Variants in LYST observed in about 807,000 individuals in gnomAD.
The protein encoded by LYST is lysosomal-trafficking regulator.
Under a neutral mutation model 413.6 loss-of-function variants are expected in LYST, and 192 were observed. The ratio of observed to expected loss-of-function variants is 0.46; its 90% confidence interval spans 0.41 to 0.52. The LOEUF is 0.52. LYST is among the 20% of genes least tolerant of loss of function. The pLI is 0.00. For missense variants in LYST, 3,815 were observed against 4,499.9 expected (o/e 0.85, Z 4.35); for synonymous variants, 1,525 against 1,567.3 (o/e 0.97, Z 0.64).
intron 18 of LYST, 124 bp downstream of exon 18, chr1:235,774,789 C>T (rs1157673540): frequency 9.1e-6 from 6 of 660,788 alleles, no homozygotes; most frequent in Middle Eastern, 4.0e-4. Flanking sequence ...TAACTATACA[C>T]TAATAAGTTT....
At chr1:235,666,225 TACACACACACACACAC>T (rs66890524) in intron 50 of LYST, among the ~76,000 whole-genome samples, 140 of 136,010 alleles carry the variant, frequency 1.0e-3, no homozygotes, top group African/African-American at 3.5e-3. Flanking sequence ...AGTATGTACA[TACACACACACACACAC>T]ACACACACAC....
intron 40 of LYST, among the ~76,000 whole-genome samples, chr1:235,720,276 T>C (rs550051760): frequency 7.1e-6 from 1 of 141,184 alleles, no homozygotes; most frequent in Admixed American, 7.2e-5. Context: ...CAACCAACTA[T>C]AAAAAGCTAT....
chr1:235,795,975 A>AAG (rs1297384114), intron 10 of LYST, among the ~76,000 whole-genome samples: 1 of 152,046 alleles, frequency 6.6e-6, no homozygotes, highest in East Asian at 1.9e-4. Flanking sequence ...ACAATCAAAA[A>AAG]AGAGCTCTTA....
chr1:235,857,782 C>CATATAT (rs1486758595), intron 1 of LYST, among the ~76,000 whole-genome samples: 11 of 119,596 alleles, frequency 9.2e-5, no homozygotes, highest in African/African-American at 3.8e-4. Context: ...CACACACACA[C>CATATAT]ACATATATAT....
chr1:235,753,917 T>C (rs185564006), intron 25 of LYST, among the ~76,000 whole-genome samples: 48 of 152,352 alleles, frequency 3.2e-4, no homozygotes, highest in Admixed American at 9.8e-4. Context: ...CTTTAAGGTC[T>C]GAATTTGTCT....
chr1:235,819,693 T>A (rs562123450), intron 3 of LYST, among the ~76,000 whole-genome samples: 20 of 152,382 alleles, frequency 1.3e-4, no homozygotes, highest in African/African-American at 4.8e-4. Flanking sequence ...GCCACCCAGC[T>A]GGAGTGCAGT....
At chr1:235,733,341 T>C (rs1209452751) in intron 34 of LYST, among the ~76,000 whole-genome samples, 162 bp downstream of exon 34, 2 of 152,152 alleles carry the variant, frequency 1.3e-5, no homozygotes, top group Non-Finnish European at 2.9e-5. Flanking sequence ...AAAAAACTCA[T>C]ATGATTATTC....
chr1:235,832,562 T>C (rs1380734316), intron 2 of LYST, among the ~76,000 whole-genome samples: 2 of 152,182 alleles, frequency 1.3e-5, no homozygotes, highest in East Asian at 3.8e-4. Flanking sequence ...TTTTATTTAA[T>C]TTAGATATAT....
At chr1:235,847,769 A>G (rs537634194) in intron 1 of LYST, among the ~76,000 whole-genome samples, 13 of 152,346 alleles carry the variant, frequency 8.5e-5, no homozygotes, top group Admixed American at 3.3e-4. Flanking sequence ...CAAACTTTAA[A>G]GCAACAGCAG....
intron 45 of LYST, among the ~76,000 whole-genome samples, chr1:235,700,432 G>C (rs553263791): frequency 5.9e-5 from 9 of 152,310 alleles, no homozygotes; most frequent in African/African-American, 2.2e-4. Context: ...GATATGAACA[G>C]CCACTTCTCA....
In LYST at chr1:235,782,050, T is replaced by A. The variant is rs986454063; in HGVS notation, c.4900A>T (p.Lys1634Ter). 1 of 1,613,048 alleles carries A rather than the reference T, an allele frequency of 6.2e-7. No homozygotes were observed. Among genetic ancestry groups the A allele is most frequent in the Non-Finnish European group, 8.5e-7 (1 of 1,179,092 alleles). Residue 1634 changes from lysine (K) to a stop codon, truncating the protein, a stop_gained, in exon 15 of 53, where the codon AAA becomes TAA. Transcript: ENST00000389793. LOFTEE classifies it high-confidence loss of function. ...TTGCTATCAGATGACAAACTTGTTTTTCTTGGAAGCATAAAATCCAAAGTA... is the reference window on the plus strand; with the variant it reads ...TTGCTATCAGATGACAAACTTGTTTATCTTGGAAGCATAAAATCCAAAGTA... ...DVTLDFMLPR[K>*]TSLSSDSNKT...
intron 8 of LYST, among the ~76,000 whole-genome samples, chr1:235,802,660 T>A (rs192972907): frequency 2.6e-4 from 40 of 152,304 alleles, no homozygotes; most frequent in African/African-American, 8.4e-4. Flanking sequence ...AGAATATACA[T>A]GAAATTGGGG....
chr1:235,697,969 C>A (rs147271107), intron 45 of LYST, among the ~76,000 whole-genome samples: 1 of 152,072 alleles, frequency 6.6e-6, no homozygotes, highest in Non-Finnish European at 1.5e-5. Context: ...TGGCTGCCCA[C>A]GAACGGTAAT....
chr1:235,761,931 C>T (rs1322845767), intron 22 of LYST, among the ~76,000 whole-genome samples: 1 of 130,178 alleles, frequency 7.7e-6, no homozygotes, highest in Non-Finnish European at 1.5e-5. Context: ...AATGAGAACA[C>T]GTGGACACAG....
At chr1:235,681,743 T>C (rs758553111) in intron 48 of LYST, among the ~76,000 whole-genome samples, 5 of 152,238 alleles carry the variant, frequency 3.3e-5, no homozygotes, top group Non-Finnish European at 7.3e-5. Flanking sequence ...CTCTTCACAC[T>C]GGGCCTTTCT....
chr1:235,703,097 G>A, intron 44 of LYST, 120 bp from the exon 45 acceptor site: 3 of 769,014 alleles, frequency 3.9e-6, no homozygotes, highest in Non-Finnish European at 6.7e-6. Context: ...AAATGCTTTT[G>A]TTCAGGTTAA....
chr1:235,803,189 A>T (rs1572313503), intron 7 of LYST, 125 bp from the exon 8 acceptor site: 2 of 737,878 alleles, frequency 2.7e-6, no homozygotes, highest in South Asian at 1.7e-5. Flanking sequence ...TTAGTAAACA[A>T]TATGAATCAT....
In LYST at chr1:235,810,094, C is replaced by T. The variant is rs746206938; in HGVS notation, c.724G>A (p.Ala242Thr). 1 of 1,614,070 alleles carries T rather than the reference C, an allele frequency of 6.2e-7. No individual in the cohort carries two copies. The highest frequency in any genetic ancestry group is 1.3e-5 in the African/African-American group (1 of 75,048). The change falls in exon 5 of 53, where the codon GCT becomes ACT. Residue 242 changes from alanine (A) to threonine (T), a missense_variant. Around this residue, in one of 4 missense-constraint regions of LYST, gnomAD observed 1,648 missense variants for 1,810.3 expected, o/e 0.91. Transcript: ENST00000389793. Reference protein sequence around the residue: ...GSNTDILSEPAALSVISNMNN... With the variant: ...GSNTDILSEPTALSVISNMNN... Reference sequence around the variant, plus strand: ...ATGTTACTGATAACAGACAAGGCAGCTGGCTCACTTAAAATGTCAGTGTTT... The same window carrying T: ...ATGTTACTGATAACAGACAAGGCAGTTGGCTCACTTAAAATGTCAGTGTTT...
At chr1:235,749,530 C>A (rs958375280) in intron 28 of LYST, among the ~76,000 whole-genome samples, 6 of 151,990 alleles carry the variant, frequency 3.9e-5, no homozygotes, top group Admixed American at 3.9e-4. Flanking sequence ...GGTGCATGTG[C>A]CAGCAGTCCC....
Sources: allele counts gnomAD v4.1 joint callset (sites outside exome capture counted in the v4.1 genomes callset), GRCh38; gene constraint gnomAD v4.1.1; regional missense constraint gnomAD v4.1.1; transcripts MANE v1.5; gene names NCBI Gene and HGNC (gene_info 2026-07-23, HGNC 2026-07-21).